Variants in RYR2 observed in about 807,000 individuals in gnomAD.
RYR2 encodes the protein cardiac muscle ryanodine receptor-calcium release channel.
RYR2 carries 227 observed loss-of-function variants against 601.1 expected under a neutral mutation model. The observed-to-expected ratio is 0.38, with a 90% CI of 0.34 to 0.42. The LOEUF is 0.42. Ranked by LOEUF, RYR2 falls within the 10% of genes least tolerant of loss-of-function variation. The probability of loss-of-function intolerance (pLI) is 1.00; values close to 1 mark genes in which losing one functional copy is unlikely to be tolerated. For missense variants in RYR2, 4,646 were observed against 6,156.5 expected, an observed-to-expected ratio of 0.75 and a Z score of 8.21; for synonymous variants, 2,223 against 2,175.1, an observed-to-expected ratio of 1.02 and a Z score of -0.61.
intron 96 of RYR2, among the ~76,000 whole-genome samples, chr1:237,795,652 T>C (rs1439908535): frequency 6.6e-6 from 1 of 151,664 alleles, no homozygotes; most frequent in Non-Finnish European, 1.5e-5. Flanking sequence ...GGTTTCGCCA[T>C]GTTGGCCTGG....
At chr1:237,247,357 T>C (rs1019589294) in intron 1 of RYR2, among the ~76,000 whole-genome samples, 2 of 152,220 alleles carry the variant, frequency 1.3e-5, no homozygotes, top group African/African-American at 4.8e-5. Context: ...ACACAGACTT[T>C]CGTAGAGTGC....
chr1:237,193,529 GT>G (rs1680240617), intron 1 of RYR2, among the ~76,000 whole-genome samples: 2 of 152,174 alleles, frequency 1.3e-5, no homozygotes, highest in Admixed American at 6.5e-5. Context: ...GTGATGTTCA[GT>G]GATTAAAATG....
intron 5 of RYR2, among the ~76,000 whole-genome samples, 173 bp downstream of exon 5, chr1:237,364,545 T>A (rs762157184): frequency 4.0e-5 from 6 of 151,878 alleles, no homozygotes; most frequent in Non-Finnish European, 8.8e-5. Flanking sequence ...TTCTGTATGG[T>A]TATACACATT....
Position 237,441,316 on chromosome 1 carries a change from T to C in RYR2, c.1006-3T>C, listed in dbSNP as rs1331865885. 2 of 1,613,274 alleles carry C rather than the reference T, an allele frequency of 1.2e-6. No homozygotes were observed. The highest frequency in any genetic ancestry group is 8.5e-7 in the Non-Finnish European group (1 of 1,179,454). On this transcript the variant is annotated splice_region_variant and splice_polypyrimidine_tract_variant and intron_variant, in intron 12 of 104. Transcript: ENST00000366574. ...TGACCTTTTTTTCCTCCTCTCCCCT[T>C]AGGAAAAATTGGATGTAGGGGTGAG...
chr1:237,135,264 A>AG, intron 1 of RYR2, among the ~76,000 whole-genome samples: 1 of 152,330 alleles, frequency 6.6e-6, no homozygotes, highest in Non-Finnish European at 1.5e-5. Context: ...AAGTAAAAAA[A>AG]GTCCCTGTAA....
chr1:237,338,104 G>A (rs1697420559), intron 3 of RYR2, among the ~76,000 whole-genome samples: 1 of 152,158 alleles, frequency 6.6e-6, no homozygotes, highest in Non-Finnish European at 1.5e-5. Flanking sequence ...CCAGGGATTA[G>A]GATGTGGATG....
intron 9 of RYR2, 100 bp downstream of exon 9, chr1:237,387,480 G>A: frequency 9.5e-7 from 1 of 1,051,506 alleles, no homozygotes; most frequent in Non-Finnish European, 1.4e-6. Flanking sequence ...AGAGCTTTTT[G>A]TCTGTGTCTA....
intron 1 of RYR2, among the ~76,000 whole-genome samples, chr1:237,157,700 A>G (rs1023405395): frequency 6.6e-6 from 1 of 152,232 alleles, no homozygotes; most frequent in Non-Finnish European, 1.5e-5. Context: ...TCACGGAGAT[A>G]GTGAATAGAA....
chr1:237,749,911 C>T (rs768496356), intron 80 of RYR2, among the ~76,000 whole-genome samples: 24 of 152,054 alleles, frequency 1.6e-4, no homozygotes, highest in Admixed American at 2.6e-4. Context: ...TTTGGGAGGC[C>T]GAGGTGGGTG....
In RYR2 at chr1:237,610,844, A is replaced by T; in HGVS notation, c.4766A>T (p.Gln1589Leu). ...VPQCPPRLHV[Q>L]FLSHVLWSRM... is the part of the protein sequence containing the mutation. ...CAGTGCCCCCCGCGCCTCCACGTGC[A>T]GTTCCTGTCACACGTCCTGTGGAGC... Residue 1589 changes from glutamine (Q) to leucine (L), a missense_variant, in exon 36 of 105, where the codon CAG (glutamine) becomes CTG (leucine). Transcript: ENST00000366574. The surrounding 1 kb of genome is among the most constrained non-coding windows in gnomAD (Gnocchi z 4.9). 6.2e-7 allele frequency: 1 copy of T among 1,613,338 alleles called. No individual in the cohort carries two copies. The highest frequency in any genetic ancestry group is 8.5e-7 in the Non-Finnish European group (1 of 1,179,678).
chr1:237,304,027 T>G (rs1693635299), intron 2 of RYR2, among the ~76,000 whole-genome samples: 1 of 152,202 alleles, frequency 6.6e-6, no homozygotes, highest in Non-Finnish European at 1.5e-5. Flanking sequence ...ATGAGTGGTA[T>G]GGAGAGATAC....
intron 17 of RYR2, among the ~76,000 whole-genome samples, chr1:237,481,200 A>G (rs983226672): frequency 6.6e-6 from 1 of 151,326 alleles, no homozygotes; most frequent in Non-Finnish European, 1.5e-5. Context: ...ATTTAGAGTA[A>G]TGTATTTATT....
intron 1 of RYR2, among the ~76,000 whole-genome samples, chr1:237,250,401 C>A (rs917455313): frequency 3.3e-5 from 5 of 152,278 alleles, no homozygotes; most frequent in Admixed American, 6.5e-5. Flanking sequence ...TCTTCTCAGC[C>A]ATTCTTCTTC....
chr1:237,169,352 G>A (rs542316988), intron 1 of RYR2, among the ~76,000 whole-genome samples: 6 of 151,530 alleles, frequency 4.0e-5, no homozygotes, highest in African/African-American at 1.5e-4. Flanking sequence ...AGGCTGGAGT[G>A]CAGTGGCACA....
At chr1:237,166,847 G>C (rs1676764561) in intron 1 of RYR2, among the ~76,000 whole-genome samples, 1 of 152,172 alleles carries the variant, frequency 6.6e-6, no homozygotes, top group Non-Finnish European at 1.5e-5. Flanking sequence ...CTAGGTTCTA[G>C]GGTTTCAGGT....
intron 36 of RYR2, among the ~76,000 whole-genome samples, chr1:237,612,413 A>C (rs1428464768): frequency 6.6e-6 from 1 of 152,208 alleles, no homozygotes; most frequent in Non-Finnish European, 1.5e-5. Flanking sequence ...TAAGTAGGTA[A>C]ATTGTATAGC....
At chr1:237,221,538 C>G (rs1365845944) in intron 1 of RYR2, among the ~76,000 whole-genome samples, 1 of 152,058 alleles carries the variant, frequency 6.6e-6, no homozygotes, top group Non-Finnish European at 1.5e-5. Flanking sequence ...TATGAAAACA[C>G]GGGGAAATTT....
At chr1:237,486,324 A>G (rs1434674145) in intron 17 of RYR2, among the ~76,000 whole-genome samples, 2 of 152,186 alleles carry the variant, frequency 1.3e-5, no homozygotes, top group African/African-American at 2.4e-5. Context: ...ACTCCTCACT[A>G]CTAAGGTAAA....
chr1:237,184,419 A>G (rs1374239473), intron 1 of RYR2, among the ~76,000 whole-genome samples: 3 of 152,296 alleles, frequency 2.0e-5, no homozygotes, highest in East Asian at 1.9e-4. Context: ...ACGGAATACA[A>G]TTGACAAGAG....
Sources: gnomAD v4.1 joint callset for allele counts (sites outside exome capture counted in the v4.1 genomes callset) on GRCh38, gnomAD v4.1.1 for gene constraint, Gnocchi (gnomAD v3.1) non-coding constraint, MANE v1.5 for transcripts, NCBI Gene and HGNC (gene_info 2026-07-23, HGNC 2026-07-21) for gene names.